The following TBC1D5 variants were observed in gnomAD, a reference collection of about 807,000 sequenced individuals.
TBC1D5 encodes the protein TBC1 domain family member 5, also known as TBC1 domain family, member 5.
Under a neutral mutation model 100.3 loss-of-function variants are expected in TBC1D5, and 75 were observed. The observed-to-expected ratio is 0.75, with a 90% CI of 0.62 to 0.91. The LOEUF (loss-of-function observed/expected upper bound fraction) is 0.91, where lower values mean the gene tolerates loss of function less well. Ranked by LOEUF, TBC1D5 falls within the 40% of genes least tolerant of loss-of-function variation. TBC1D5 has a pLI of 0.00. For synonymous variants in TBC1D5, 323 were observed against 325.6 expected (o/e 0.99, Z 0.09); for missense variants, 910 against 942.4 (o/e 0.97, Z 0.45).
chr3:17,565,795 T>C (rs568649444), intron 2 of TBC1D5, among the ~76,000 whole-genome samples: 2 of 152,160 alleles, frequency 1.3e-5, no homozygotes, highest in East Asian at 3.9e-4. Context: ...AAAGGAAATA[T>C]AGTCCCACAT....
At chr3:17,721,461 G>A (rs938766622) in intron 1 of TBC1D5, among the ~76,000 whole-genome samples, 4 of 27,002 alleles carry the variant, frequency 1.5e-4, no homozygotes, top group African/African-American at 4.9e-4. Context: ...GTGAGAGCAT[G>A]TGTGTGTGTG....
chr3:17,183,664 A>G (rs1273877351), intron 19 of TBC1D5, among the ~76,000 whole-genome samples: 1 of 152,216 alleles, frequency 6.6e-6, no homozygotes, highest in Non-Finnish European at 1.5e-5. Context: ...AACAGGACCC[A>G]GCCAGCTGCT....
At chr3:17,190,742 G>A (rs1167368612) in intron 18 of TBC1D5, among the ~76,000 whole-genome samples, 1 of 152,206 alleles carries the variant, frequency 6.6e-6, no homozygotes, top group African/African-American at 2.4e-5. Context: ...AGTGAGGCAG[G>A]AATGGCACTG....
At chr3:17,180,916 C>CAAAAAAAAAA (rs76797012) in intron 19 of TBC1D5, among the ~76,000 whole-genome samples, 1 of 96,182 alleles carries the variant, frequency 1.0e-5, no homozygotes, top group Non-Finnish European at 2.2e-5. Context: ...ACATTTACAC[C>CAAAAAAAAAA]AAAAAAAAAA....
At chr3:17,481,758 G>A (rs192937489) in intron 3 of TBC1D5, among the ~76,000 whole-genome samples, 31 of 151,660 alleles carry the variant, frequency 2.0e-4, no homozygotes, top group African/African-American at 7.0e-4. Flanking sequence ...TTTTTGAGAC[G>A]GAGTCTCGCT....
intron 19 of TBC1D5, among the ~76,000 whole-genome samples, chr3:17,179,525 T>C (rs1463221): frequency 0.39 from 59,271 of 152,026 alleles, 12,271 homozygotes; most frequent in Middle Eastern, 0.5. Flanking sequence ...CTACTGCTGA[T>C]TCAAGTGTGG....
At chr3:17,494,034 A>G (rs891613351) in intron 3 of TBC1D5, among the ~76,000 whole-genome samples, 5 of 151,996 alleles carry the variant, frequency 3.3e-5, no homozygotes, top group Non-Finnish European at 1.5e-5. Context: ...TTTTGCGCTT[A>G]TTTTTTCTCA....
chr3:17,509,475 T>C (rs1219982442), intron 2 of TBC1D5, among the ~76,000 whole-genome samples: 1 of 152,032 alleles, frequency 6.6e-6, no homozygotes, highest in Non-Finnish European at 1.5e-5. Context: ...CATTTCTCCT[T>C]GATTCTCATT....
At chr3:17,315,612 G>T (rs1242683568) in intron 13 of TBC1D5, among the ~76,000 whole-genome samples, 1 of 152,220 alleles carries the variant, frequency 6.6e-6, no homozygotes, top group Non-Finnish European at 1.5e-5. Context: ...TTTCTCCAGT[G>T]ATATTACTAT....
At chr3:17,420,551 TTAAC>T (rs1411109316) in intron 4 of TBC1D5, among the ~76,000 whole-genome samples, 1 of 152,186 alleles carries the variant, frequency 6.6e-6, no homozygotes, top group Non-Finnish European at 1.5e-5. Context: ...TTTAAAAAAA[TTAAC>T]TATCCACTTA....
intron 14 of TBC1D5, among the ~76,000 whole-genome samples, chr3:17,296,069 G>C (rs1383043251): frequency 1.3e-5 from 2 of 151,974 alleles, no homozygotes; most frequent in African/African-American, 4.8e-5. Context: ...TCATGACAGG[G>C]GTATCGGTAC....
chr3:17,459,637 C>T (rs569024746), intron 3 of TBC1D5, among the ~76,000 whole-genome samples: 133 of 152,214 alleles, frequency 8.7e-4, no homozygotes, highest in African/African-American at 3.2e-3. Flanking sequence ...GCAGCGCTCA[C>T]TTCCAGTCCC....
chr3:17,560,738 T>C (rs1176883481), intron 2 of TBC1D5, among the ~76,000 whole-genome samples: 2 of 151,674 alleles, frequency 1.3e-5, no homozygotes, highest in Non-Finnish European at 2.9e-5. Context: ...CTGACCAACA[T>C]GGTGAAATCC....
chr3:17,383,843 C>T (rs2093046400), intron 9 of TBC1D5, 70 bp downstream of exon 9: 1 of 1,189,280 alleles, frequency 8.4e-7, no homozygotes, highest in Middle Eastern at 2.5e-4. Flanking sequence ...TACATTATTG[C>T]TCTATCATTT....
intron 14 of TBC1D5, among the ~76,000 whole-genome samples, chr3:17,302,946 C>A (rs2083006605): frequency 6.6e-6 from 1 of 152,184 alleles, no homozygotes; most frequent in Non-Finnish European, 1.5e-5. Flanking sequence ...AATCCACTGG[C>A]ATGAAATAAA....
intron 1 of TBC1D5, among the ~76,000 whole-genome samples, chr3:17,678,272 A>G (rs13097908): frequency 0.57 from 86,833 of 152,006 alleles, 25,640 homozygotes; most frequent in East Asian, 0.99. Context: ...TAGGAGGTGA[A>G]GTAAGATAAC....
chr3:17,599,877 G>C (rs189209600), intron 2 of TBC1D5, among the ~76,000 whole-genome samples: 45 of 152,288 alleles, frequency 3.0e-4, no homozygotes, highest in Non-Finnish European at 5.1e-4. Flanking sequence ...AGGGAAATGA[G>C]GGGGATGGGG....
chr3:17,691,369 C>A (rs554897108), intron 1 of TBC1D5, among the ~76,000 whole-genome samples: 1 of 152,302 alleles, frequency 6.6e-6, no homozygotes, highest in East Asian at 1.9e-4. Context: ...GCAACTGTAA[C>A]CACAAAGTGG....
At chr3:17,574,618 T>C (rs988067323) in intron 2 of TBC1D5, among the ~76,000 whole-genome samples, 4 of 152,148 alleles carry the variant, frequency 2.6e-5, no homozygotes, top group African/African-American at 9.7e-5. Context: ...AAGCATCTTA[T>C]AATACATCTC....
Sources: gnomAD v4.1 joint callset for allele counts (sites outside exome capture counted in the v4.1 genomes callset) on GRCh38, gnomAD v4.1.1 for gene constraint, MANE v1.5 for transcripts, NCBI Gene and HGNC (gene_info 2026-07-23, HGNC 2026-07-21) for gene names.